ATRNL1: variants seen among roughly 807,000 people sequenced by gnomAD.
The protein encoded by ATRNL1 is attractin-like protein 1.
ATRNL1 carries 95 observed loss-of-function variants against 182.7 expected under a neutral mutation model. The observed-to-expected ratio is 0.52, with a 90% CI of 0.44 to 0.62. The LOEUF (loss-of-function observed/expected upper bound fraction) is 0.62, where lower values mean the gene tolerates loss of function less well. Among genes scored for constraint, ATRNL1 ranks in the 20% least tolerant of loss-of-function variants. ATRNL1 has a pLI of 0.00. For missense variants in ATRNL1, 1,471 were observed against 1,679.5 expected (o/e 0.88, Z 2.17); for synonymous variants, 576 against 568.3 (o/e 1.01, Z -0.19).
intron 26 of ATRNL1, among the ~76,000 whole-genome samples, chr10:115,574,299 T>C (rs985539530): frequency 6.6e-6 from 1 of 150,896 alleles, no homozygotes; most frequent in African/African-American, 2.4e-5. Context: ...TGCAGATATA[T>C]ATATCTACAT....
rs1264792 is a variant in ATRNL1, at chr10:115,139,500, A to T, written c.829+9965A>T. ...TCTCACATGGCGGCAGACAACAGAAAAAAGATTGTGCAGGTAAACTCCCCT... is the reference window on the plus strand; with the variant it reads ...TCTCACATGGCGGCAGACAACAGAATAAAGATTGTGCAGGTAAACTCCCCT... On this transcript the variant is annotated intron_variant, in intron 5 of 28. Transcript: ENST00000355044. Among the ~76,000 whole-genome samples the T allele has an allele frequency of 3.3e-5, 5 of 152,098 alleles. No individual in the cohort carries two copies. The East Asian group carries it at 9.6e-4, about 29-fold the overall frequency.
chr10:115,397,919 A>G (rs1844367649), intron 20 of ATRNL1, among the ~76,000 whole-genome samples: 1 of 151,966 alleles, frequency 6.6e-6, no homozygotes, highest in Non-Finnish European at 1.5e-5. Flanking sequence ...AAAGAGAGAC[A>G]AGAGACTGCA....
chr10:115,906,285 C>T (rs1589674052), intron 28 of ATRNL1, among the ~76,000 whole-genome samples: 1 of 152,022 alleles, frequency 6.6e-6, no homozygotes, highest in South Asian at 2.1e-4. Flanking sequence ...ACTGGCTTGG[C>T]GAAAGTAAAA....
At chr10:115,168,581 T>G (rs1304790677) in intron 7 of ATRNL1, among the ~76,000 whole-genome samples, 1 of 152,162 alleles carries the variant, frequency 6.6e-6, no homozygotes, top group African/African-American at 2.4e-5. Flanking sequence ...TGAGCATCTT[T>G]TTGTGTGCTT....
chr10:115,592,553 G>A (rs1555012629), intron 26 of ATRNL1, among the ~76,000 whole-genome samples: 1 of 152,112 alleles, frequency 6.6e-6, no homozygotes, highest in African/African-American at 2.4e-5. Flanking sequence ...CTAAGTCCTA[G>A]GTAGCCACCT....
chr10:115,681,093 C>T (rs566364468), intron 26 of ATRNL1, among the ~76,000 whole-genome samples: 92 of 152,218 alleles, frequency 6.0e-4, no homozygotes, highest in African/African-American at 2.1e-3. Context: ...TCTTTCCAGA[C>T]ATGTGGAATG....
chr10:115,349,480 T>C (rs1385590243), intron 19 of ATRNL1, among the ~76,000 whole-genome samples: 1 of 152,228 alleles, frequency 6.6e-6, no homozygotes, highest in African/African-American at 2.4e-5. Context: ...TAACCAGTAG[T>C]AGAATTTCTG....
intron 15 of ATRNL1, among the ~76,000 whole-genome samples, chr10:115,289,981 G>T (rs541587230): frequency 6.6e-6 from 1 of 151,446 alleles, no homozygotes; most frequent in African/African-American, 2.4e-5. Flanking sequence ...TAGCATGGTT[G>T]TTTTAACAAT....
At chr10:115,579,005 A>C (rs1221936142) in intron 26 of ATRNL1, among the ~76,000 whole-genome samples, 1 of 151,360 alleles carries the variant, frequency 6.6e-6, no homozygotes, top group East Asian at 2.0e-4. Flanking sequence ...ATATTTGTGA[A>C]CTTTCCCATT....
rs782319629 is a variant in ATRNL1 at position 115,602,868 on chromosome 10, C to A, written c.3795+53332C>A. On this transcript the variant is annotated intron_variant, in intron 26 of 28. Transcript: ENST00000355044. ...GACTCCGTCTCAAAAAAAAAAAAAA[C>A]ATTGCAATCACAAGTCCAGTCCCAA... 4.4e-3 allele frequency among the ~76,000 whole-genome samples: 490 copies of A among 111,252 alleles called. 2 individuals carry two copies. Among genetic ancestry groups the A allele is most frequent in the Non-Finnish European group, 7.7e-3 (390 of 50,618 alleles). 73.0% of individuals were successfully genotyped at this position (111,252 alleles called of 152,430 possible).
intron 27 of ATRNL1, among the ~76,000 whole-genome samples, chr10:115,808,464 T>C (rs79855015): frequency 0.04 from 6,051 of 152,222 alleles, 346 homozygotes; most frequent in African/African-American, 0.13. Flanking sequence ...TTGGAGCTAT[T>C]ATGAATAAAA....
chr10:115,263,296 A>G (rs1851469258), intron 10 of ATRNL1, among the ~76,000 whole-genome samples: 1 of 151,840 alleles, frequency 6.6e-6, no homozygotes, highest in African/African-American at 2.4e-5. Flanking sequence ...TCAAAACCAC[A>G]ATGATATACT....
At chr10:115,263,551 G>A (rs890227180) in intron 10 of ATRNL1, among the ~76,000 whole-genome samples, 2 of 151,692 alleles carry the variant, frequency 1.3e-5, no homozygotes, top group Admixed American at 6.6e-5. Context: ...TTCTAACATA[G>A]GGTAATACCT....
intron 28 of ATRNL1, among the ~76,000 whole-genome samples, chr10:115,870,400 T>A (rs1041595430): frequency 2.6e-5 from 4 of 152,194 alleles, no homozygotes; most frequent in African/African-American, 9.7e-5. Context: ...AAGGCCATCC[T>A]TTTGCATATG....
intron 19 of ATRNL1, among the ~76,000 whole-genome samples, chr10:115,346,925 A>G (rs1856003745): frequency 1.3e-5 from 2 of 152,240 alleles, no homozygotes; most frequent in South Asian, 4.1e-4. Flanking sequence ...TTGGTGTCAT[A>G]TCTACAAATC....
chr10:115,888,199 G>C lies in ATRNL1; in HGVS notation c.4018+40208G>C, dbSNP rs556096007. On this transcript the variant is annotated intron_variant, in intron 28 of 28. Transcript: ENST00000355044. ...GCTAGTGAACTTCTATTGTTCCTTA[G>C]ATTGTAGCTCAATCATTTCTTCCTC... 2.0e-5 allele frequency among the ~76,000 whole-genome samples: 3 copies of C among 152,262 alleles called. No homozygotes were observed. In the South Asian group the frequency reaches 6.2e-4, roughly 32 times the overall value.
chr10:115,302,089 T>G (rs1554924782), intron 17 of ATRNL1, 46 bp downstream of exon 17: 4 of 1,449,948 alleles, frequency 2.8e-6, no homozygotes, highest in Non-Finnish European at 2.8e-6. Context: ...GCAACGTAAA[T>G]TTACTTTTCT....
chr10:115,440,073 G>A (rs761996924), intron 21 of ATRNL1, among the ~76,000 whole-genome samples: 7 of 151,630 alleles, frequency 4.6e-5, no homozygotes, highest in Non-Finnish European at 7.4e-5. Flanking sequence ...AATTACTGTC[G>A]TTATTTATTT....
At chr10:115,679,123 C>A (rs947692099) in intron 26 of ATRNL1, among the ~76,000 whole-genome samples, 53 of 152,084 alleles carry the variant, frequency 3.5e-4, no homozygotes, top group African/African-American at 1.2e-3. Context: ...CCCTGCATGG[C>A]ATGTACTCTC....
Sources: allele counts gnomAD v4.1 joint callset (sites outside exome capture counted in the v4.1 genomes callset), GRCh38; gene constraint gnomAD v4.1.1; transcripts MANE v1.5; gene names NCBI Gene and HGNC (gene_info 2026-07-23, HGNC 2026-07-21).